THADA: variants seen among roughly 807,000 people sequenced by gnomAD.
THADA encodes the protein THADA armadillo repeat containing.
Under a neutral mutation model 219.8 loss-of-function variants are expected in THADA, and 213 were observed. The ratio of observed to expected loss-of-function variants is 0.97; its 90% CI spans 0.87 to 1.09. The LOEUF (loss-of-function observed/expected upper bound fraction) is 1.09. Among genes scored for constraint, THADA ranks in the 50% least tolerant of loss-of-function variants. The pLI, the probability that THADA is intolerant of heterozygous loss-of-function variation, is 0.00. For synonymous variants in THADA, 1,018 were observed against 828.9 expected (o/e 1.23, Z -3.92); for missense variants, 2,956 against 2,311.3 (o/e 1.28, Z -5.72).
chr2:43,409,099 C>G (rs1418981960), intron 28 of THADA, among the ~76,000 whole-genome samples: 1 of 152,198 alleles, frequency 6.6e-6, no homozygotes, highest in East Asian at 1.9e-4. Context: ...TTTGCATCTA[C>G]AGAGGGTTAA....
chr2:43,386,785 T>C (rs975581083), intron 29 of THADA, among the ~76,000 whole-genome samples: 18 of 150,880 alleles, frequency 1.2e-4, no homozygotes, highest in Non-Finnish European at 1.8e-4. Context: ...TAATTCCAGC[T>C]ACTCGGGAGG....
rs181679278 is a variant in THADA, at chr2:43,485,997, T to C, written c.3745-672A>G. ...TAGTCAGAAGGCTCAGGCAGGAGGA[T>C]TGCATAAGGCCAGGAGTTTGAGGCT... On this transcript the variant is annotated intron_variant, in intron 25 of 37. Coordinates refer to ENST00000405975, the MANE Select transcript of THADA (RefSeq NM_022065.5). 3.1e-3 allele frequency among the ~76,000 whole-genome samples: 475 copies of C among 152,034 alleles called. 3 individuals carry two copies. The highest frequency in any genetic ancestry group is 0.014 in the Middle Eastern group (4 of 294).
intron 30 of THADA, among the ~76,000 whole-genome samples, chr2:43,339,400 C>T (rs142797100): frequency 1.3e-5 from 2 of 152,324 alleles, no homozygotes; most frequent in African/African-American, 4.8e-5. Context: ...CATGCCTCAG[C>T]CTCCCAAGTA....
intron 31 of THADA, among the ~76,000 whole-genome samples, chr2:43,316,819 C>A (rs978839765): frequency 1.3e-5 from 2 of 152,046 alleles, no homozygotes; most frequent in African/African-American, 4.8e-5. Flanking sequence ...CCCAGCTACT[C>A]GGGAGGCTGA....
chr2:43,567,224 C>T (rs1039166579), intron 14 of THADA, among the ~76,000 whole-genome samples: 2 of 151,966 alleles, frequency 1.3e-5, no homozygotes, highest in Non-Finnish European at 2.9e-5. Flanking sequence ...CCCACAAGCC[C>T]TAAGAGTTTA....
chr2:43,515,035 T>C lies in THADA; in HGVS notation c.3375-6255A>G, dbSNP rs1330972595. On this transcript the variant is annotated intron_variant, in intron 22 of 37. Transcript: ENST00000405975. ...TATTATATATTTTATATATAATATA[T>C]ATAAATATATATATTTTATATATAA... 2.6e-3 allele frequency among the ~76,000 whole-genome samples: 107 copies of C among 41,850 alleles called. 8 individuals are homozygous for C. Among genetic ancestry groups the C allele is most frequent in the African/African-American group, 9.9e-3 (105 of 10,560 alleles). 27.5% of individuals were successfully genotyped at this position (41,850 alleles called of 152,430 possible). A position where few individuals can be genotyped will look rare whatever the true frequency, so the allele number is the denominator to read the frequency against.
In THADA at chr2:43,404,426, GA is replaced by G. The variant is rs1438885595; in HGVS notation, c.4059-6288del. 2.0e-5 allele frequency among the ~76,000 whole-genome samples: 3 copies of G among 147,490 alleles called. No individual in the cohort carries two copies. In the East Asian group the frequency reaches 6.0e-4, roughly 29 times the overall value. On this transcript the variant is annotated intron_variant, in intron 28 of 37. Coordinates refer to ENST00000405975, the MANE Select transcript of THADA (RefSeq NM_022065.5). The stretch of plus-strand genomic sequence containing the variant: ...AGACAGGGTCTCATACACCTGGCCT[GA>G]AGTGCTCCTCCCACTCTGGCATCCC...
chr2:43,560,472 T>A, intron 15 of THADA, 87 bp from the exon 16 acceptor site: 1 of 1,016,308 alleles, frequency 9.8e-7, no homozygotes, highest in Admixed American at 3.5e-5. Context: ...TTATAGAAAA[T>A]AAGTACCAAA....
intron 22 of THADA, among the ~76,000 whole-genome samples, chr2:43,515,206 TAA>T (rs1491425588): frequency 4.2e-4 from 26 of 61,438 alleles, no homozygotes; most frequent in South Asian, 5.0e-4. Flanking sequence ...ATATAATATA[TAA>T]TATATAATAT....
At chr2:43,516,516 T>C (rs1207959903) in intron 22 of THADA, among the ~76,000 whole-genome samples, 2 of 152,196 alleles carry the variant, frequency 1.3e-5, no homozygotes, top group Non-Finnish European at 2.9e-5. Flanking sequence ...GGTATTTACA[T>C]CGTGGTTGTA....
intron 29 of THADA, among the ~76,000 whole-genome samples, chr2:43,353,312 C>T (rs2104565452): frequency 6.6e-6 from 1 of 151,732 alleles, no homozygotes; most frequent in African/African-American, 2.4e-5. Context: ...GCAAGGGTTC[C>T]CTTTTCTGCA....
intron 29 of THADA, among the ~76,000 whole-genome samples, chr2:43,379,555 T>G (rs1021487595): frequency 1.3e-5 from 2 of 152,184 alleles, no homozygotes; most frequent in African/African-American, 2.4e-5. Context: ...CTCCAAGTGC[T>G]GACAAGGACT....
chr2:43,277,771 G>A (rs1282066535), intron 36 of THADA, among the ~76,000 whole-genome samples: 2 of 152,126 alleles, frequency 1.3e-5, no homozygotes, highest in African/African-American at 2.4e-5. Context: ...CCACCGATTT[G>A]GGGACAAAAG....
chr2:43,502,430 T>C (rs2105074142), intron 24 of THADA, among the ~76,000 whole-genome samples: 1 of 151,536 alleles, frequency 6.6e-6, no homozygotes, highest in African/African-American at 2.4e-5. Flanking sequence ...ACTAAAAATA[T>C]AAAAATTATC....
At chr2:43,423,886 G>A (rs1678065215) in intron 28 of THADA, among the ~76,000 whole-genome samples, 1 of 152,158 alleles carries the variant, frequency 6.6e-6, no homozygotes, top group South Asian at 2.1e-4. Flanking sequence ...CAGAGAAGCA[G>A]GCCCTGGTGA....
intron 22 of THADA, among the ~76,000 whole-genome samples, chr2:43,511,033 C>T (rs944290662): frequency 2.0e-5 from 3 of 150,770 alleles, no homozygotes; most frequent in Admixed American, 6.6e-5. Flanking sequence ...ATTTAGCTAC[C>T]TAAGAAGAAA....
At chr2:43,535,010 ATTT>A (rs1223667163) in intron 21 of THADA, among the ~76,000 whole-genome samples, 1 of 151,554 alleles carries the variant, frequency 6.6e-6, no homozygotes, top group Non-Finnish European at 1.5e-5. Flanking sequence ...ATCATTTGTT[ATTT>A]TTTTGTCTTT....
At chr2:43,425,198 T>C (rs940574775) in intron 28 of THADA, among the ~76,000 whole-genome samples, 1 of 152,180 alleles carries the variant, frequency 6.6e-6, no homozygotes, top group Non-Finnish European at 1.5e-5. Flanking sequence ...TGAACCTCAA[T>C]TTCCTCAACG....
chr2:43,475,434 A>C (rs954477419), intron 26 of THADA, among the ~76,000 whole-genome samples: 4 of 151,636 alleles, frequency 2.6e-5, no homozygotes, highest in South Asian at 2.1e-4. Context: ...AAAAAAAAAA[A>C]AAAAAAAAAA....
Sources: gnomAD v4.1 joint callset for allele counts (sites outside exome capture counted in the v4.1 genomes callset) on GRCh38, gnomAD v4.1.1 for gene constraint, MANE v1.5 for transcripts, NCBI Gene and HGNC (gene_info 2026-07-23, HGNC 2026-07-21) for gene names.